Variants in ESRRB observed in about 807,000 individuals in gnomAD.
The protein encoded by ESRRB is estrogen related receptor beta.
In ESRRB, 16 loss-of-function variants were observed where a neutral mutation model predicts 46.0. That is an observed-to-expected ratio of 0.35 (90% confidence interval 0.24 to 0.53). The LOEUF (loss-of-function observed/expected upper bound fraction) is 0.53. ESRRB is among the 20% of genes least tolerant of loss of function. The pLI is 0.93. For missense variants in ESRRB, 488 were observed against 607.4 expected, an observed-to-expected ratio of 0.80 and a Z score of 2.07; for synonymous variants, 246 against 259.6, an observed-to-expected ratio of 0.95 and a Z score of 0.50.
intron 3 of ESRRB, among the ~76,000 whole-genome samples, chr14:76,469,932 T>G (rs867202195): frequency 6.9e-4 from 93 of 134,102 alleles, no homozygotes; most frequent in African/African-American, 1.4e-3. Flanking sequence ...TTTTGTTGTT[T>G]TTTTTTTTTT....
chr14:76,422,370 C>T (rs567872746), intron 1 of ESRRB, among the ~76,000 whole-genome samples: 1 of 152,004 alleles, frequency 6.6e-6, no homozygotes, highest in East Asian at 1.9e-4. Context: ...GCCACCACAC[C>T]CAGCTAATTT....
At chr14:76,458,201 C>T (rs982847228) in intron 2 of ESRRB, among the ~76,000 whole-genome samples, 6 of 152,190 alleles carry the variant, frequency 3.9e-5, no homozygotes, top group Admixed American at 6.5e-5. Flanking sequence ...CTCAGCTGCA[C>T]GTGTGTGTGC....
At chr14:76,472,111 C>T (rs60915548) in intron 3 of ESRRB, among the ~76,000 whole-genome samples, 3,382 of 152,242 alleles carry the variant, frequency 0.022, 81 homozygotes, top group African/African-American at 0.046. Context: ...GAAGCCTATT[C>T]GAACCTCACG....
intron 3 of ESRRB, among the ~76,000 whole-genome samples, chr14:76,472,225 C>T (rs558920025): frequency 2.6e-5 from 4 of 152,224 alleles, no homozygotes; most frequent in African/African-American, 9.6e-5. Flanking sequence ...CTGTGTCAGG[C>T]GTACAGTTTT....
chr14:76,371,186 C>T (rs1041516125), upstream of ESRRB, among the ~76,000 whole-genome samples: 1 of 152,206 alleles, frequency 6.6e-6, no homozygotes, highest in Non-Finnish European at 1.5e-5. Flanking sequence ...TATCTGTCAG[C>T]AGGAGACTAT....
At chr14:76,401,003 GT>G (rs1408510796) in intron 1 of ESRRB, among the ~76,000 whole-genome samples, 1 of 152,208 alleles carries the variant, frequency 6.6e-6, no homozygotes, top group African/African-American at 2.4e-5. Context: ...CCAGACACAT[GT>G]GTGAGAAGAA....
intron 3 of ESRRB, among the ~76,000 whole-genome samples, chr14:76,479,958 C>A (rs1346353176): frequency 6.6e-6 from 1 of 152,206 alleles, no homozygotes; most frequent in Non-Finnish European, 1.5e-5. Context: ...ACCTCCACCT[C>A]CTGGGTTCAA....
At chr14:76,467,436 G>A (rs1889164505) in intron 3 of ESRRB, among the ~76,000 whole-genome samples, 1 of 150,688 alleles carries the variant, frequency 6.6e-6, no homozygotes, top group Non-Finnish European at 1.5e-5. Context: ...AGGAGGCAGA[G>A]GTTGCAGTGA....
In ESRRB at chr14:76,333,119, ATATATATAT is replaced by A. The variant is rs1884069083; in HGVS notation, c.2+22211_2+22219del. Among the ~76,000 whole-genome samples, 3 of 3,108 alleles carry A rather than the reference ATATATATAT, an allele frequency of 9.7e-4. 1 individual carries two copies. The highest frequency in any genetic ancestry group is 1.7e-3 in the Non-Finnish European group (3 of 1,812). The allele number at this position is 3,108 out of a possible 152,430, so 2.0% of individuals were successfully genotyped here. On this transcript the variant is annotated intron_variant, in intron 1 of 6. Coordinates refer to the ESRRB transcript ENST00000512784. ...TATTATATATAATATATAATATATAATATATATATTATATATTATATATTATATATTATA... is the reference window on the plus strand; with the variant it reads ...TATTATATATAATATATAATATATAATATATATTATATATTATATATTATA...
At chr14:76,349,011 C>T (rs1230701730) in intron 1 of ESRRB, among the ~76,000 whole-genome samples, 2 of 152,234 alleles carry the variant, frequency 1.3e-5, no homozygotes, top group Admixed American at 1.3e-4. Context: ...GCCCCCCTTC[C>T]CACTCCCCCA....
Position 76,462,585 on chromosome 14 carries a change from G to A in ESRRB, c.501G>A (p.Glu167=). 1 of 1,614,128 alleles carries A rather than the reference G, an allele frequency of 6.2e-7. No individual in the cohort carries two copies. The highest frequency in any genetic ancestry group is 8.5e-7 in the Non-Finnish European group (1 of 1,179,998). Residue 167 remains glutamate, a synonymous_variant, in exon 3 of 7, where the codon GAG becomes GAA. Coordinates refer to ENST00000644823, the MANE Select transcript of ESRRB (RefSeq NM_001379180.1). ...GCTGCCCGGCCACCAACGAGTGCGA[G>A]ATCACCAAACGGAGGCGCAAGTCCT... is the stretch of plus-strand genomic sequence containing the variant. The part of the protein sequence containing the change: ...EYSCPATNEC[E]ITKRRRKSCQ...
chr14:76,483,298 G>T (rs954186982), intron 5 of ESRRB, among the ~76,000 whole-genome samples: 12 of 152,208 alleles, frequency 7.9e-5, no homozygotes, highest in Non-Finnish European at 1.8e-4. Flanking sequence ...CCCCCACTTT[G>T]TGAGCTTTGA....
chr14:76,463,445 G>GTTTTTTTTGTTTTGTTTTTT lies in ESRRB; in HGVS notation c.577+792_577+793insGTTTTGTTTTTTTTTTTTTT, dbSNP rs1362309981. On this transcript the variant is annotated intron_variant, in intron 3 of 6. Transcript: ENST00000644823. Reference sequence around the variant, plus strand: ...TGAAATTAGCATCACATGCTTCTTTGTTTTTTTTTTTTTTTTTTGGAGACG... The same window carrying GTTTTTTTTGTTTTGTTTTTT: ...TGAAATTAGCATCACATGCTTCTTTGTTTTTTTTGTTTTGTTTTTTTTTTTTTTTTTTTTTTTTGGAGACG... 2.6e-5 allele frequency: 3 copies of GTTTTTTTTGTTTTGTTTTTT among 114,738 alleles called. 1 individual carries two copies. Among genetic ancestry groups the GTTTTTTTTGTTTTGTTTTTT allele is most frequent in the African/African-American group, 1.1e-4 (3 of 27,272 alleles). 7.1% of individuals were successfully genotyped at this position (114,738 alleles called of 1,614,324 possible).
chr14:76,483,526 C>G lies in ESRRB; in HGVS notation c.850+767C>G, dbSNP rs181130588. 3.9e-5 allele frequency among the ~76,000 whole-genome samples: 6 copies of G among 152,302 alleles called. No homozygotes were observed. The East Asian group carries it at 9.7e-4, about 25-fold the overall frequency. ...TCTCTTCGCTGTGTGTGGACCCAAA[C>G]CCTGCTTTCACCCTCTCTAGGTCTG... On this transcript the variant is annotated intron_variant, in intron 5 of 6. Transcript: ENST00000644823.
chr14:76,498,453 G>T lies in ESRRB; in HGVS notation c.1360G>T (p.Val454Leu). 1.2e-6 allele frequency: 2 copies of T among 1,613,310 alleles called. No homozygotes were observed. Among genetic ancestry groups the T allele is most frequent in the East Asian group, 2.2e-5 (1 of 44,878 alleles). The change falls in exon 7 of 7, where the codon GTG becomes TTG. Residue 454 changes from valine (V) to leucine (L), a missense_variant. Physicochemically the swap from Val to Leu is conservative, Grantham distance 32 (BLOSUM62 1). Coordinates refer to ENST00000644823, the MANE Select transcript of ESRRB (RefSeq NM_001379180.1). ...KLFLEMLEAK[V>L] Reference sequence around the variant, plus strand: ...CTTCCTGGAGATGCTGGAGGCCAAGGTGTGATGGCCCCGCACACGGACCAA... The same window carrying T: ...CTTCCTGGAGATGCTGGAGGCCAAGTTGTGATGGCCCCGCACACGGACCAA...
intron 1 of ESRRB, among the ~76,000 whole-genome samples, chr14:76,311,497 C>T (rs1473520724): frequency 6.6e-6 from 1 of 152,166 alleles, no homozygotes; most frequent in Admixed American, 6.5e-5. Flanking sequence ...AATGATTTTC[C>T]CTCTCCCCTC....
At chr14:76,340,069 T>C (rs981765231) in intron 1 of ESRRB, among the ~76,000 whole-genome samples, 3 of 152,010 alleles carry the variant, frequency 2.0e-5, no homozygotes, top group African/African-American at 4.8e-5. Flanking sequence ...CTCTAATTAC[T>C]GTGTACTGAC....
At chr14:76,469,092 CTTTA>C (rs1026836261) in intron 3 of ESRRB, among the ~76,000 whole-genome samples, 1 of 151,914 alleles carries the variant, frequency 6.6e-6, no homozygotes, top group African/African-American at 2.4e-5. Context: ...GACTTCATTC[CTTTA>C]TTTATTTTTT....
intron 1 of ESRRB, among the ~76,000 whole-genome samples, chr14:76,435,721 C>T (rs1485604432): frequency 1.3e-5 from 2 of 152,186 alleles, no homozygotes; most frequent in Non-Finnish European, 2.9e-5. Context: ...ATTCCAGCTT[C>T]TCAGGAGGTT....
Sources: gnomAD v4.1 joint callset for allele counts (sites outside exome capture counted in the v4.1 genomes callset) on GRCh38, gnomAD v4.1.1 for gene constraint, MANE v1.5 for transcripts, NCBI Gene and HGNC (gene_info 2026-07-23, HGNC 2026-07-21) for gene names.